RERG: variants seen among roughly 807,000 people sequenced by gnomAD.
RERG encodes RAS like estrogen regulated growth inhibitor.
RERG carries 25 observed loss-of-function variants against 23.2 expected under a neutral mutation model. The observed-to-expected ratio is 1.08, with a 90% CI of 0.79 to 1.50. The LOEUF is 1.50. RERG is among the 40% of genes most tolerant of loss of function. The probability of loss-of-function intolerance (pLI) is 0.00; values close to 1 mark genes in which losing one functional copy is unlikely to be tolerated. For synonymous variants in RERG, 81 were observed against 89.1 expected (o/e 0.91, Z 0.51); for missense variants, 253 against 250.1 (o/e 1.01, Z -0.08).
At chr12:15,167,859 T>G (rs1018902405) in intron 2 of RERG, among the ~76,000 whole-genome samples, 3 of 152,218 alleles carry the variant, frequency 2.0e-5, no homozygotes, top group Admixed American at 6.5e-5. Flanking sequence ...TTAATTGGTT[T>G]TTTGCTCAAA....
intron 2 of RERG, among the ~76,000 whole-genome samples, chr12:15,130,893 G>C (rs999947895): frequency 6.6e-6 from 1 of 152,062 alleles, no homozygotes; most frequent in Non-Finnish European, 1.5e-5. Context: ...TCTAGCTTCA[G>C]TGCATCTCAA....
intron 2 of RERG, among the ~76,000 whole-genome samples, chr12:15,165,118 G>T (rs1240801068): frequency 1.3e-5 from 2 of 152,122 alleles, no homozygotes; most frequent in Non-Finnish European, 2.9e-5. Flanking sequence ...CATTTGCCTT[G>T]TCCGTGTGGC....
chr12:15,197,834 G>A (rs141123851), intron 2 of RERG, among the ~76,000 whole-genome samples: 3 of 152,188 alleles, frequency 2.0e-5, no homozygotes, highest in South Asian at 2.1e-4. Flanking sequence ...AGTGGTGGGC[G>A]GTGCAGAGAA....
intron 2 of RERG, among the ~76,000 whole-genome samples, chr12:15,209,351 T>A (rs934726105): frequency 6.6e-6 from 1 of 152,160 alleles, no homozygotes; most frequent in Non-Finnish European, 1.5e-5. Flanking sequence ...ATTGGGCAGA[T>A]GAATAAAAGG....
intron 4 of RERG, among the ~76,000 whole-genome samples, chr12:15,109,741 T>G (rs1307625303): frequency 6.6e-6 from 1 of 152,224 alleles, no homozygotes; most frequent in Non-Finnish European, 1.5e-5. Context: ...ATTTAATAGA[T>G]TTTAAATTTC....
intron 2 of RERG, among the ~76,000 whole-genome samples, chr12:15,190,216 G>C (rs1591664036): frequency 6.6e-6 from 1 of 152,100 alleles, no homozygotes; most frequent in Non-Finnish European, 1.5e-5. Context: ...AGGGTTCCAG[G>C]GGTGTCCAAT....
At chr12:15,146,688 T>G (rs1864338223) in intron 2 of RERG, among the ~76,000 whole-genome samples, 1 of 152,188 alleles carries the variant, frequency 6.6e-6, no homozygotes, top group South Asian at 2.1e-4. Flanking sequence ...TGCATTTGCA[T>G]TAGAACCAAA....
chr12:15,188,990 T>C (rs1401011236), intron 2 of RERG, among the ~76,000 whole-genome samples: 2 of 152,126 alleles, frequency 1.3e-5, no homozygotes, highest in East Asian at 1.9e-4. Flanking sequence ...TATTGTCTCT[T>C]CTCCCCATAA....
intron 3 of RERG, among the ~76,000 whole-genome samples, chr12:15,113,256 T>G (rs577080411): frequency 1.6e-4 from 25 of 151,856 alleles, no homozygotes; most frequent in African/African-American, 5.6e-4. Context: ...CTCAATAAAT[T>G]AGAAGAGAAG....
At chr12:15,148,399 C>CGG (rs1555123894) in intron 2 of RERG, among the ~76,000 whole-genome samples, 155 of 151,972 alleles carry the variant, frequency 1.0e-3, no homozygotes, top group African/African-American at 3.5e-3. Flanking sequence ...GGTAGAAATG[C>CGG]GGGGGGGAAA....
At chr12:15,187,424 A>T (rs1190534871) in intron 2 of RERG, among the ~76,000 whole-genome samples, 1 of 152,172 alleles carries the variant, frequency 6.6e-6, no homozygotes, top group African/African-American at 2.4e-5. Context: ...TTCACACTTT[A>T]TTTGGTGACC....
chr12:15,211,409 T>C (rs1865364739), intron 2 of RERG, among the ~76,000 whole-genome samples: 1 of 151,866 alleles, frequency 6.6e-6, no homozygotes, highest in African/African-American at 2.4e-5. Context: ...GAAATGATGC[T>C]AAGTGAAATA....
intron 2 of RERG, among the ~76,000 whole-genome samples, chr12:15,186,106 C>T (rs1168074336): frequency 6.6e-6 from 1 of 151,740 alleles, no homozygotes; most frequent in Admixed American, 6.6e-5. Context: ...AAAAGTTGAA[C>T]AAACAAGACT....
chr12:15,136,193 C>A (rs774986131), intron 2 of RERG, among the ~76,000 whole-genome samples: 1 of 151,902 alleles, frequency 6.6e-6, no homozygotes, highest in Non-Finnish European at 1.5e-5. Context: ...AATATTTGCC[C>A]ATATAGTATT....
chr12:15,195,509 T>C (rs941862848), intron 2 of RERG, among the ~76,000 whole-genome samples: 4 of 151,278 alleles, frequency 2.6e-5, no homozygotes, highest in African/African-American at 9.7e-5. Context: ...TAACTTCCCA[T>C]GGAAAATTTC....
chr12:15,175,235 A>G (rs1259357201), intron 2 of RERG, among the ~76,000 whole-genome samples: 1 of 150,632 alleles, frequency 6.6e-6, no homozygotes, highest in East Asian at 1.9e-4. Context: ...GTGTGTAACC[A>G]CGGTTCTGTT....
intron 2 of RERG, among the ~76,000 whole-genome samples, chr12:15,186,547 G>T (rs1864993792): frequency 6.6e-6 from 1 of 150,784 alleles, no homozygotes; most frequent in Admixed American, 6.6e-5. Flanking sequence ...GAAGAGCAAG[G>T]AGGAGAGGAA....
chr12:15,128,268 AC>A (rs1361827385), intron 2 of RERG, among the ~76,000 whole-genome samples: 1 of 152,220 alleles, frequency 6.6e-6, no homozygotes, highest in Non-Finnish European at 1.5e-5. Context: ...CAAGAAGAAA[AC>A]TTTTAGATAA....
chr12:15,129,727 T>C (rs1864010784), intron 2 of RERG, among the ~76,000 whole-genome samples: 1 of 151,954 alleles, frequency 6.6e-6, no homozygotes, highest in Non-Finnish European at 1.5e-5. Context: ...GAGTGGCATG[T>C]AGGGGGAGCT....
Sources: allele counts gnomAD v4.1 joint callset (sites outside exome capture counted in the v4.1 genomes callset), GRCh38; gene constraint gnomAD v4.1.1; transcripts MANE v1.5; gene names NCBI Gene and HGNC (gene_info 2026-07-23, HGNC 2026-07-21).